Variants in SGCD observed in about 807,000 individuals in gnomAD.
SGCD encodes sarcoglycan delta.
Under a neutral mutation model 36.6 loss-of-function variants are expected in SGCD, and 18 were observed. The ratio of observed to expected loss-of-function variants is 0.49; its 90% CI spans 0.34 to 0.73. SGCD has a LOEUF of 0.73. Ranked by LOEUF, SGCD falls within the 30% of genes least tolerant of loss-of-function variation. The pLI, the probability that SGCD is intolerant of heterozygous loss-of-function variation, is 0.01. For missense variants in SGCD, 387 were observed against 346.7 expected, an observed-to-expected ratio of 1.12 and a Z score of -0.92; for synonymous variants, 133 against 130.6, an observed-to-expected ratio of 1.02 and a Z score of -0.12.
At chr5:155,774,209 C>T in the SGCD span, among the ~76,000 whole-genome samples, 3 of 152,050 alleles carry the variant, frequency 2.0e-5, no homozygotes, top group Non-Finnish European at 2.9e-5. Context: ...GAGAGGCCAG[C>T]CTGCTAGCTT....
intron 1 of SGCD, among the ~76,000 whole-genome samples, chr5:155,987,518 A>T (rs1414272785): frequency 1.3e-5 from 2 of 152,130 alleles, no homozygotes; most frequent in East Asian, 3.8e-4. Flanking sequence ...TCTAACAGAG[A>T]CTTGATTATG....
rs556377685 is a variant in SGCD at position 156,458,502 on chromosome 5, G to A, written c.193-50099G>A. 7 of 1,594,816 alleles carry A rather than the reference G, an allele frequency of 4.4e-6. 1 individual carries two copies. Among genetic ancestry groups the A allele is most frequent in the East Asian group, 4.5e-5 (2 of 44,656 alleles). On this transcript the variant is annotated intron_variant, in intron 3 of 8. Transcript: ENST00000337851. ...ACAGTCAGCAAATGACAAGGGCTTCGTTAACCTACAACAAACCAGAATAGA... is the reference window on the plus strand; with the variant it reads ...ACAGTCAGCAAATGACAAGGGCTTCATTAACCTACAACAAACCAGAATAGA...
At chr5:155,761,670 A>G in the SGCD span, among the ~76,000 whole-genome samples, 2 of 142,206 alleles carry the variant, frequency 1.4e-5, no homozygotes, top group Non-Finnish European at 3.0e-5. Context: ...CACTCTCTCC[A>G]TCATCATCTC....
intron 3 of SGCD, among the ~76,000 whole-genome samples, chr5:156,191,861 G>C (rs756542233): frequency 2.0e-5 from 3 of 152,134 alleles, no homozygotes; most frequent in Non-Finnish European, 4.4e-5. Context: ...CACTAGAGAG[G>C]TTTGGGATTC....
At chr5:155,766,565 C>A in the SGCD span, among the ~76,000 whole-genome samples, 1 of 151,978 alleles carries the variant, frequency 6.6e-6, no homozygotes, top group Admixed American at 6.6e-5. Context: ...TCTGGGGTAC[C>A]CTTCTGCAAA....
chr5:156,393,982 A>G, intron 3 of SGCD: 2 of 360,948 alleles, frequency 5.5e-6, no homozygotes, highest in South Asian at 4.1e-5. Context: ...AGTAAAAGAC[A>G]AAGATGCATC....
intron 3 of SGCD, among the ~76,000 whole-genome samples, chr5:156,386,741 G>A (rs954658692): frequency 6.6e-6 from 1 of 152,256 alleles, no homozygotes; most frequent in Non-Finnish European, 1.5e-5. Flanking sequence ...AGCACTCCAA[G>A]TGTTGGAGGG....
At chr5:156,633,097 A>T (rs1010122855) in intron 6 of SGCD, among the ~76,000 whole-genome samples, 2 of 152,142 alleles carry the variant, frequency 1.3e-5, no homozygotes, top group African/African-American at 4.8e-5. Context: ...ACATTTTCTC[A>T]TGGAGATTAC....
At chr5:156,073,004 C>G (rs562382647) in intron 1 of SGCD, among the ~76,000 whole-genome samples, 4 of 152,132 alleles carry the variant, frequency 2.6e-5, no homozygotes, top group South Asian at 2.1e-4. Context: ...GCACTTCTCT[C>G]TATTGGTTAT....
chr5:156,491,380 G>A (rs563795859), intron 3 of SGCD, among the ~76,000 whole-genome samples: 1 of 152,124 alleles, frequency 6.6e-6, no homozygotes, highest in South Asian at 2.1e-4. Context: ...ACTCTGAATA[G>A]CCAAACACTG....
intron 3 of SGCD, among the ~76,000 whole-genome samples, chr5:156,301,794 T>TA (rs1335117191): frequency 7.4e-6 from 1 of 134,398 alleles, no homozygotes; most frequent in Non-Finnish European, 1.5e-5. Context: ...AGGATAAAAG[T>TA]TTTTTTTTTT....
At chr5:156,036,615 T>C (rs1759504516) in intron 1 of SGCD, among the ~76,000 whole-genome samples, 1 of 152,188 alleles carries the variant, frequency 6.6e-6, no homozygotes, top group Admixed American at 6.5e-5. Context: ...TCTAACTTAC[T>C]TGGGTTACTG....
chr5:155,789,216 T>C, the SGCD span, among the ~76,000 whole-genome samples: 1 of 152,140 alleles, frequency 6.6e-6, no homozygotes, highest in Admixed American at 6.6e-5. Context: ...TCTCTTTTTT[T>C]GAATATAGGC....
At chr5:156,489,493 C>T (rs895752573) in intron 3 of SGCD, among the ~76,000 whole-genome samples, 2 of 151,862 alleles carry the variant, frequency 1.3e-5, no homozygotes, top group African/African-American at 4.8e-5. Flanking sequence ...CAAGTATCAA[C>T]AATTGTTTTT....
At chr5:156,120,152 T>A (rs1368131949) in intron 2 of SGCD, among the ~76,000 whole-genome samples, 1 of 152,204 alleles carries the variant, frequency 6.6e-6, no homozygotes, top group Admixed American at 6.6e-5. Context: ...CCTAGTGTCC[T>A]TTACTGTGCC....
chr5:156,484,076 A>G (rs777650500), intron 3 of SGCD, among the ~76,000 whole-genome samples: 2 of 152,200 alleles, frequency 1.3e-5, no homozygotes, highest in Non-Finnish European at 2.9e-5. Context: ...TGAATCCCAC[A>G]TGTCAAGCCT....
At chr5:156,297,400 T>A (rs1223206506) in intron 3 of SGCD, among the ~76,000 whole-genome samples, 2 of 152,052 alleles carry the variant, frequency 1.3e-5, no homozygotes, top group African/African-American at 4.8e-5. Flanking sequence ...AATGTCCATC[T>A]ATGATAGACT....
At chr5:155,842,390 T>C in the SGCD span, among the ~76,000 whole-genome samples, 25 of 151,572 alleles carry the variant, frequency 1.6e-4, no homozygotes, top group African/African-American at 6.1e-4. Flanking sequence ...CTGAACAACA[T>C]GGTGAAACCC....
chr5:156,272,846 A>C (rs1766214695), intron 3 of SGCD, among the ~76,000 whole-genome samples: 1 of 152,142 alleles, frequency 6.6e-6, no homozygotes, highest in African/African-American at 2.4e-5. Flanking sequence ...GTTTGAAAAA[A>C]ACACATCGCC....
Sources: allele counts gnomAD v4.1 joint callset (sites outside exome capture counted in the v4.1 genomes callset), GRCh38; gene constraint gnomAD v4.1.1; transcripts MANE v1.5; gene names NCBI Gene and HGNC (gene_info 2026-07-23, HGNC 2026-07-21).